TNPO3: variants seen among roughly 807,000 people sequenced by gnomAD.
TNPO3 encodes transportin 3.
Under a neutral mutation model 122.8 loss-of-function variants are expected in TNPO3, and 65 were observed. The ratio of observed to expected loss-of-function variants is 0.53; its 90% CI spans 0.43 to 0.65. The LOEUF (loss-of-function observed/expected upper bound fraction) is 0.65. Ranked by LOEUF, TNPO3 falls within the 30% of genes least tolerant of loss-of-function variation. TNPO3 has a pLI of 0.00. For missense variants in TNPO3, 850 were observed against 1,136.7 expected (o/e 0.75, Z 3.63); for synonymous variants, 372 against 411.2 (o/e 0.90, Z 1.15).
intron 1 of TNPO3, among the ~76,000 whole-genome samples, chr7:129,033,895 A>G (rs1454459576): frequency 6.7e-6 from 1 of 150,292 alleles, no homozygotes; most frequent in African/African-American, 2.5e-5. Flanking sequence ...CCTGGGCAAC[A>G]GAGCTAAACT....
chr7:128,961,166 G>T (rs1293410290), intron 21 of TNPO3, among the ~76,000 whole-genome samples: 1 of 152,014 alleles, frequency 6.6e-6, no homozygotes. Context: ...AATGTCCTAG[G>T]CCGCCTATTC....
chr7:128,997,393 T>C lies in TNPO3; in HGVS notation c.1154A>G (p.Asp385Gly). The C allele has an allele frequency of 6.2e-7, 1 of 1,614,058 alleles. No homozygotes were observed. Among genetic ancestry groups the C allele is most frequent in the Non-Finnish European group, 8.5e-7 (1 of 1,179,976 alleles). Residue 385 changes from aspartate to glycine, a missense_variant, in exon 8 of 23, where the codon GAC (aspartate) becomes GGC (glycine). Physicochemically the swap from Asp to Gly is moderately conservative, Grantham distance 94. Transcript: ENST00000265388. ...GAGGTAGAGAAGGGAACTTACATGG[T>C]CTGGTTCCAGCTGGCAGTGTCGAGC... Reference protein sequence around the residue: ...ALARHCQLEPDHEGVPEETDD... With the variant: ...ALARHCQLEPGHEGVPEETDD...
chr7:129,018,595 A>G (rs745808370), intron 1 of TNPO3, among the ~76,000 whole-genome samples: 27 of 152,218 alleles, frequency 1.8e-4, no homozygotes, highest in Non-Finnish European at 3.2e-4. Flanking sequence ...CTGTTTTAAT[A>G]TATCTATAAA....
intron 1 of TNPO3, among the ~76,000 whole-genome samples, chr7:129,018,927 C>T (rs1804142330): frequency 6.6e-6 from 1 of 152,170 alleles, no homozygotes. Flanking sequence ...CCATGTTGGC[C>T]AGACTGATCT....
chr7:128,992,878 G>C (rs964140749), intron 9 of TNPO3, among the ~76,000 whole-genome samples: 5 of 151,940 alleles, frequency 3.3e-5, no homozygotes, highest in Non-Finnish European at 7.4e-5. Flanking sequence ...TACATAATTT[G>C]TAAATTAAGT....
At chr7:129,028,408 G>GA (rs1365478707) in intron 1 of TNPO3, among the ~76,000 whole-genome samples, 2 of 151,322 alleles carry the variant, frequency 1.3e-5, no homozygotes, top group Non-Finnish European at 2.9e-5. Flanking sequence ...CATTAAAAAA[G>GA]AAAAAAGGTC....
At chr7:129,032,875 G>T (rs1023239639) in intron 1 of TNPO3, among the ~76,000 whole-genome samples, 1 of 152,054 alleles carries the variant, frequency 6.6e-6, no homozygotes, top group Non-Finnish European at 1.5e-5. Context: ...AATCTCAAGA[G>T]ACCCCAAATA....
At chr7:129,026,292 A>G (rs968942790) in intron 1 of TNPO3, among the ~76,000 whole-genome samples, 5 of 152,088 alleles carry the variant, frequency 3.3e-5, no homozygotes, top group African/African-American at 1.2e-4. Context: ...ACTTGCCCCC[A>G]GGCAAACCAG....
intron 1 of TNPO3, chr7:129,028,845 C>G (rs1242410779): frequency 8.3e-6 from 2 of 241,396 alleles, no homozygotes; most frequent in African/African-American, 4.7e-5. Flanking sequence ...TCAATTCCAT[C>G]TCTTAGTTTT....
At chr7:129,011,891 A>C (rs958533819) in intron 4 of TNPO3, among the ~76,000 whole-genome samples, 11 of 152,182 alleles carry the variant, frequency 7.2e-5, no homozygotes, top group Non-Finnish European at 8.8e-5. Flanking sequence ...TTTGCTGTAC[A>C]TATTTTCTAA....
intron 1 of TNPO3, among the ~76,000 whole-genome samples, chr7:129,025,518 T>C (rs1008168965): frequency 2.0e-5 from 3 of 151,794 alleles, no homozygotes; most frequent in African/African-American, 7.3e-5. Context: ...AGGGAAGCGG[T>C]TATGTCAAAT....
rs1328898753 is a variant in TNPO3, at chr7:128,986,895, T to C, written c.1524A>G (p.Lys508=). The C allele has an allele frequency of 1.6e-5, 26 of 1,613,070 alleles. No homozygotes were observed. The highest frequency in any genetic ancestry group is 2.1e-5 in the Non-Finnish European group (25 of 1,179,716). ...AAGCCAGGGGCTTTTCACACAGGCC[T>C]TTCATCAAATAGCCCAACACAGGGT... ...FLDPVLGYLM[K]GLCEKPLASA... is the part of the protein sequence containing the mutation. Residue 508 remains lysine, a synonymous_variant, in exon 12 of 23, where the codon AAA becomes AAG. Coordinates refer to ENST00000265388, the MANE Select transcript of TNPO3 (RefSeq NM_012470.4).
chr7:129,045,753 T>A (rs990696792), intron 1 of TNPO3, among the ~76,000 whole-genome samples: 1 of 152,092 alleles, frequency 6.6e-6, no homozygotes, highest in Non-Finnish European at 1.5e-5. Context: ...AAGAAACTAA[T>A]CAAAATATGG....
At position 129,000,483 on chromosome 7, in the gene TNPO3, C is replaced by G; in HGVS notation, c.957G>C (p.Gly319=). 1 of 1,613,992 alleles carries G rather than the reference C, an allele frequency of 6.2e-7. No individual in the cohort carries two copies. The highest frequency in any genetic ancestry group is 8.5e-7 in the Non-Finnish European group (1 of 1,179,952). The change falls in exon 7 of 23, where the codon GGG becomes GGC. Residue 319 remains glycine, a synonymous_variant. Transcript: ENST00000265388. ...KIVCTPGQGL[G]DLRTLELLLI... Reference sequence around the variant, plus strand: ...GCAGCAGCTCCAGAGTTCGAAGGTCCCCAAGACCTTGGCCTGGAGTACAAA... The same window carrying G: ...GCAGCAGCTCCAGAGTTCGAAGGTCGCCAAGACCTTGGCCTGGAGTACAAA...
At chr7:129,041,267 C>T (rs1807348264) in intron 1 of TNPO3, among the ~76,000 whole-genome samples, 1 of 152,168 alleles carries the variant, frequency 6.6e-6, no homozygotes, top group African/African-American at 2.4e-5. Context: ...GAGGCTGAGG[C>T]AGGAGGATTG....
chr7:129,049,493 A>G (rs1584597319), intron 1 of TNPO3, among the ~76,000 whole-genome samples: 1 of 152,258 alleles, frequency 6.6e-6, no homozygotes, highest in Non-Finnish European at 1.5e-5. Flanking sequence ...AGTAAAAACA[A>G]GAAGACCTAA....
At chr7:129,013,201 T>C (rs984197764) in intron 4 of TNPO3, among the ~76,000 whole-genome samples, 2 of 151,912 alleles carry the variant, frequency 1.3e-5, no homozygotes, top group Admixed American at 6.6e-5. Flanking sequence ...AAGCAAACAT[T>C]AGGGAAATGC....
chr7:129,056,133 A>C, upstream of TNPO3: 1 of 1,028,578 alleles, frequency 9.7e-7, no homozygotes, highest in South Asian at 1.3e-5. Flanking sequence ...TGCCGACACC[A>C]AGGTGATTTG....
chr7:128,974,296 T>C (rs1798834537), intron 18 of TNPO3, among the ~76,000 whole-genome samples: 1 of 151,124 alleles, frequency 6.6e-6, no homozygotes, highest in Non-Finnish European at 1.5e-5. Flanking sequence ...TTTTCTTTTT[T>C]TTTTTTTTTT....
Sources: gnomAD v4.1 joint callset for allele counts (sites outside exome capture counted in the v4.1 genomes callset) on GRCh38, gnomAD v4.1.1 for gene constraint, MANE v1.5 for transcripts, NCBI Gene and HGNC (gene_info 2026-07-23, HGNC 2026-07-21) for gene names.